Variants in PTPRD observed in about 807,000 individuals in gnomAD.
The protein encoded by PTPRD is protein tyrosine phosphatase receptor type D, also known as receptor-type tyrosine-protein phosphatase delta.
Under a neutral mutation model 214.5 loss-of-function variants are expected in PTPRD, and 34 were observed. The ratio of observed to expected loss-of-function variants is 0.16; its 90% CI spans 0.12 to 0.21. The LOEUF (loss-of-function observed/expected upper bound fraction) is 0.21. Among genes scored for constraint, PTPRD ranks in the 10% least tolerant of loss-of-function variants. PTPRD has a pLI of 1.00. For synonymous variants in PTPRD, 1,128 were observed against 845.7 expected, an observed-to-expected ratio of 1.33 and a Z score of -5.79; for missense variants, 2,545 against 2,398.7, an observed-to-expected ratio of 1.06 and a Z score of -1.27.
intron 10 of PTPRD, among the ~76,000 whole-genome samples, chr9:9,139,405 G>T (rs1360199636): frequency 6.6e-6 from 1 of 152,136 alleles, no homozygotes; most frequent in Non-Finnish European, 1.5e-5. Context: ...ATTAACTGAA[G>T]ACTTAACTGT....
intron 8 of PTPRD, among the ~76,000 whole-genome samples, chr9:9,462,475 G>A (rs561748597): frequency 6.6e-6 from 1 of 152,226 alleles, no homozygotes; most frequent in African/African-American, 2.4e-5. Context: ...TATTGAATAT[G>A]CACTTAAAAT....
intron 10 of PTPRD, among the ~76,000 whole-genome samples, chr9:9,174,106 CAG>C (rs923357846): frequency 1.3e-5 from 2 of 151,888 alleles, no homozygotes; most frequent in African/African-American, 4.8e-5. Context: ...AACTATAAAA[CAG>C]AAATATATTT....
At chr9:9,971,362 G>C (rs1372615329) in intron 4 of PTPRD, among the ~76,000 whole-genome samples, 1 of 152,088 alleles carries the variant, frequency 6.6e-6, no homozygotes, top group East Asian at 1.9e-4. Flanking sequence ...AAGAATAATA[G>C]ATGAAGCAAC....
intron 11 of PTPRD, among the ~76,000 whole-genome samples, chr9:8,864,674 T>C (rs1384050533): frequency 6.6e-6 from 1 of 152,192 alleles, no homozygotes; most frequent in African/African-American, 2.4e-5. Context: ...TCCTATGCAG[T>C]TCAGGGATTA....
intron 11 of PTPRD, among the ~76,000 whole-genome samples, chr9:8,758,386 G>A (rs1227106638): frequency 6.6e-6 from 1 of 152,068 alleles, no homozygotes; most frequent in Non-Finnish European, 1.5e-5. Context: ...TTCAGGATGG[G>A]AAAAGCTGAT....
chr9:10,552,959 T>C (rs1236371030), intron 2 of PTPRD, among the ~76,000 whole-genome samples: 3 of 152,200 alleles, frequency 2.0e-5, no homozygotes, highest in Non-Finnish European at 4.4e-5. Context: ...GTCTTGATGA[T>C]GGAGTTTATG....
chr9:8,995,454 T>G (rs886178570), intron 11 of PTPRD, among the ~76,000 whole-genome samples: 4 of 152,094 alleles, frequency 2.6e-5, no homozygotes, highest in Admixed American at 1.3e-4. Flanking sequence ...CTTTCATTAT[T>G]CTCTCTTCTT....
chr9:10,268,291 A>G (rs913372649), intron 3 of PTPRD, among the ~76,000 whole-genome samples: 106 of 45,374 alleles, frequency 2.3e-3, no homozygotes, highest in East Asian at 1.0e-3. Flanking sequence ...CTCTGTTGCT[A>G]TAAATAATAA....
intron 3 of PTPRD, among the ~76,000 whole-genome samples, chr9:10,172,165 T>G (rs1452144958): frequency 2.0e-5 from 3 of 152,182 alleles, no homozygotes; most frequent in African/African-American, 7.2e-5. Flanking sequence ...TTGGTTCTAG[T>G]GGCAGATTTT....
chr9:9,845,747 A>T (rs1235303487), intron 5 of PTPRD, among the ~76,000 whole-genome samples: 1 of 152,050 alleles, frequency 6.6e-6, no homozygotes, highest in East Asian at 1.9e-4. Flanking sequence ...AGAAAATCTA[A>T]AATGCTAAGC....
At chr9:8,694,706 T>C (rs1406101807) in intron 12 of PTPRD, among the ~76,000 whole-genome samples, 1 of 152,244 alleles carries the variant, frequency 6.6e-6, no homozygotes, top group African/African-American at 2.4e-5. Flanking sequence ...TCATAATTTC[T>C]TTTTAAGCTG....
intron 14 of PTPRD, among the ~76,000 whole-genome samples, chr9:8,623,745 A>G (rs1247170696): frequency 1.3e-5 from 2 of 151,860 alleles, no homozygotes; most frequent in African/African-American, 2.4e-5. Flanking sequence ...GCTGAAGCTT[A>G]GAGAGGTTAG....
chr9:9,977,640 A>T (rs1163828384), intron 4 of PTPRD, among the ~76,000 whole-genome samples: 1 of 152,150 alleles, frequency 6.6e-6, no homozygotes, highest in Non-Finnish European at 1.5e-5. Context: ...AATTGCCATG[A>T]GTACGACTGA....
chr9:9,503,107 A>G (rs2096470156), intron 8 of PTPRD, among the ~76,000 whole-genome samples: 1 of 151,788 alleles, frequency 6.6e-6, no homozygotes, highest in Admixed American at 6.6e-5. Context: ...TAAGTAAATA[A>G]ATAAGGTCAA....
chr9:9,420,811 C>A (rs2078520400), intron 8 of PTPRD, among the ~76,000 whole-genome samples: 1 of 151,798 alleles, frequency 6.6e-6, no homozygotes, highest in Admixed American at 6.6e-5. Flanking sequence ...TATCAAGTCA[C>A]CAAATAGCAG....
chr9:9,936,247 G>C (rs1420694420), intron 5 of PTPRD, among the ~76,000 whole-genome samples: 6 of 148,304 alleles, frequency 4.0e-5, no homozygotes, highest in Admixed American at 4.0e-4. Flanking sequence ...TTAAACTAAA[G>C]AGCTTCTGCA....
At chr9:8,702,140 A>T (rs1341345800) in intron 12 of PTPRD, among the ~76,000 whole-genome samples, 1 of 151,700 alleles carries the variant, frequency 6.6e-6, no homozygotes, top group Non-Finnish European at 1.5e-5. Context: ...CATAGCTTTT[A>T]ATTTCCCTGT....
chr9:10,366,860 C>G (rs1322493319), intron 2 of PTPRD, among the ~76,000 whole-genome samples: 1 of 152,082 alleles, frequency 6.6e-6, no homozygotes, highest in Admixed American at 6.6e-5. Flanking sequence ...TACTTGAAAT[C>G]ACTCTTTGAA....
intron 14 of PTPRD, among the ~76,000 whole-genome samples, chr9:8,534,662 C>G (rs1554728955): frequency 1.3e-5 from 2 of 151,622 alleles, no homozygotes; most frequent in Non-Finnish European, 3.0e-5. Context: ...CACACTAGGA[C>G]TGTCATTTTA....
Sources: gnomAD v4.1 joint callset for allele counts (sites outside exome capture counted in the v4.1 genomes callset) on GRCh38, gnomAD v4.1.1 for gene constraint, MANE v1.5 for transcripts, NCBI Gene and HGNC (gene_info 2026-07-23, HGNC 2026-07-21) for gene names.